Variants in TPO observed in about 807,000 individuals in gnomAD.
The protein encoded by TPO is thyroid peroxidase.
TPO carries 78 observed loss-of-function variants against 96.9 expected under a neutral mutation model. That is an observed-to-expected ratio of 0.81 (90% CI 0.67 to 0.97). TPO has a LOEUF of 0.97. Among genes scored for constraint, TPO ranks in the 50% least tolerant of loss-of-function variants. The pLI is 0.00. For missense variants in TPO, 1,252 were observed against 1,274.8 expected (o/e 0.98, Z 0.27); for synonymous variants, 547 against 538.0 (o/e 1.02, Z -0.23).
chr2:1,507,737 A>G (rs1355605559), intron 14 of TPO, among the ~76,000 whole-genome samples: 1 of 151,970 alleles, frequency 6.6e-6, no homozygotes, highest in African/African-American at 2.4e-5. Flanking sequence ...TTGATTTTGT[A>G]TCCTGAGACT....
Position 1,474,053 on chromosome 2 carries a change from CAAT to C in TPO, c.820-3032_820-3030del, listed in dbSNP as rs1352894237. On this transcript the variant is annotated intron_variant, in intron 7 of 16. Coordinates refer to ENST00000329066, the MANE Select transcript of TPO (RefSeq NM_001206744.2). ...TAACTGAGATAGTACTAAGTACCAACAATGATAGCGGGAGTTTCTGCTAGTCCT... is the reference window on the plus strand; with the variant it reads ...TAACTGAGATAGTACTAAGTACCAACGATAGCGGGAGTTTCTGCTAGTCCT... Among the ~76,000 whole-genome samples, 5 of 152,150 alleles carry C rather than the reference CAAT, an allele frequency of 3.3e-5. 1 individual carries two copies. Among genetic ancestry groups the C allele is most frequent in the Admixed American group, 1.3e-4 (2 of 15,278 alleles).
At chr2:1,459,912 G>A (rs1176610496) in intron 7 of TPO, among the ~76,000 whole-genome samples, 1 of 151,054 alleles carries the variant, frequency 6.6e-6, no homozygotes, top group Non-Finnish European at 1.5e-5. Context: ...TGTGTTCCCT[G>A]CTGCATGTAC....
At chr2:1,542,366 T>A in intron 16 of TPO, 55 bp from the exon 17 acceptor site, 1 of 1,608,726 alleles carries the variant, frequency 6.2e-7, no homozygotes, top group Non-Finnish European at 8.5e-7. Flanking sequence ...GTGTGTGCTG[T>A]TACTGGAGCA....
intron 8 of TPO, among the ~76,000 whole-genome samples, chr2:1,482,171 G>A (rs548347945): frequency 5.3e-5 from 8 of 152,330 alleles, no homozygotes; most frequent in African/African-American, 1.7e-4. Context: ...CAGGGGCTAC[G>A]CGGCTGTTTC....
intron 1 of TPO, among the ~76,000 whole-genome samples, chr2:1,398,031 G>T (rs181585188): frequency 6.6e-6 from 1 of 152,332 alleles, no homozygotes; most frequent in Non-Finnish European, 1.5e-5. Context: ...TTTCAGGCAT[G>T]CAACTTCATC....
Position 1,484,747 on chromosome 2 carries a change from T to C in TPO, c.1490T>C (p.Ile497Thr), listed in dbSNP as rs1670965542. The stretch of plus-strand genomic sequence containing the variant: ...GCCTTCCGCTTCGGCCATGCCACGA[T>C]CCACCCGCTGGTGAGGAGGCTGGAC... ...TAAFRFGHATIHPLVRRLDAS... is the reference protein window; with the variant it reads ...TAAFRFGHATTHPLVRRLDAS... The change falls in exon 9 of 17, where the codon ATC (isoleucine) becomes ACC (threonine). Residue 497 changes from isoleucine to threonine, a missense_variant. By Grantham distance (89) the Ile-to-Thr change is moderately conservative. Coordinates refer to ENST00000329066, the MANE Select transcript of TPO (RefSeq NM_001206744.2). 1 of 1,613,914 alleles carries C rather than the reference T, an allele frequency of 6.2e-7. No individual in the cohort carries two copies. The highest frequency in any genetic ancestry group is 1.3e-5 in the African/African-American group (1 of 74,904).
At chr2:1,503,878 C>A (rs545415170) in intron 13 of TPO, 70 bp from the exon 14 acceptor site, 18 of 1,612,922 alleles carry the variant, frequency 1.1e-5, no homozygotes, top group Non-Finnish European at 1.5e-5. Flanking sequence ...CCTCCCAGAA[C>A]GGGGGTCGCT....
chr2:1,513,073 C>T (rs1674328744), intron 14 of TPO, among the ~76,000 whole-genome samples: 2 of 152,240 alleles, frequency 1.3e-5, no homozygotes, highest in African/African-American at 4.8e-5. Flanking sequence ...CATCAGTGCC[C>T]TCTCTGTACA....
intron 15 of TPO, among the ~76,000 whole-genome samples, chr2:1,530,709 A>G (rs1677924623): frequency 9.7e-6 from 1 of 103,270 alleles, no homozygotes; most frequent in Non-Finnish European, 1.9e-5. Flanking sequence ...AACCTCCTCA[A>G]ATCCCCCCCA....
intron 3 of TPO, among the ~76,000 whole-genome samples, chr2:1,430,646 G>A (rs1203642843): frequency 1.3e-5 from 2 of 152,254 alleles, no homozygotes; most frequent in African/African-American, 4.8e-5. Flanking sequence ...CAGCCAGGTG[G>A]GCTGTGTTCA....
chr2:1,460,598 T>G (rs553131664), intron 7 of TPO, among the ~76,000 whole-genome samples: 1 of 152,330 alleles, frequency 6.6e-6, no homozygotes, highest in South Asian at 2.1e-4. Context: ...AAGAGTATAT[T>G]TCCCACCTAA....
At chr2:1,421,301 C>T (rs1249736242) in intron 2 of TPO, among the ~76,000 whole-genome samples, 1 of 152,218 alleles carries the variant, frequency 6.6e-6, no homozygotes, top group Non-Finnish European at 1.5e-5. Flanking sequence ...AGCCCAGAGC[C>T]GTGCAAACTT....
intron 15 of TPO, among the ~76,000 whole-genome samples, chr2:1,521,173 C>T (rs1398685250): frequency 1.3e-5 from 2 of 152,178 alleles, no homozygotes; most frequent in Non-Finnish European, 2.9e-5. Flanking sequence ...GAATCATTTG[C>T]ATTAATTTCC....
In TPO at chr2:1,484,739, T is replaced by C. The variant is rs1180193162; in HGVS notation, c.1482T>C (p.His494=). The change falls in exon 9 of 17, where the codon CAT becomes CAC. Residue 494 remains histidine (H), a synonymous_variant. Coordinates refer to ENST00000329066, the MANE Select transcript of TPO (RefSeq NM_001206744.2). ...CCACAGCCGCCTTCCGCTTCGGCCA[T>C]GCCACGATCCACCCGCTGGTGAGGA... ...VFSTAAFRFG[H]ATIHPLVRRL... 1.2e-6 allele frequency: 2 copies of C among 1,614,058 alleles called. No homozygotes were observed. Among genetic ancestry groups the C allele is most frequent in the Admixed American group, 1.7e-5 (1 of 60,018 alleles).
intron 5 of TPO, 24 bp from the exon 6 acceptor site, chr2:1,453,670 A>T: frequency 6.2e-6 from 10 of 1,613,704 alleles, no homozygotes; most frequent in Non-Finnish European, 8.5e-6. Flanking sequence ...CATCTCAAAC[A>T]CATCCTTGCA....
In TPO at chr2:1,400,568, C is replaced by CAAAAAAAAAA. The variant is rs34242408; in HGVS notation, n.180+26177_180+26186dup. ...TGGATAAAGAAGTGAGACTCTGTCT[C>CAAAAAAAAAA]AAAAAAAAAAAAAAAAAAAAGAAAT... On this transcript the variant is annotated intron_variant and non_coding_transcript_variant, in intron 1 of 5. Coordinates refer to the TPO transcript ENST00000497517. Among the ~76,000 whole-genome samples the CAAAAAAAAAA allele has an allele frequency of 8.6e-3, 614 of 71,566 alleles. 41 individuals are homozygous for CAAAAAAAAAA. Among genetic ancestry groups the CAAAAAAAAAA allele is most frequent in the African/African-American group, 0.031 (565 of 18,184 alleles). The allele number at this position is 71,566 out of a possible 152,430, so 47.0% of individuals were successfully genotyped here.
intron 11 of TPO, among the ~76,000 whole-genome samples, chr2:1,495,273 TG>T (rs1371371732): frequency 8.5e-5 from 13 of 152,196 alleles, no homozygotes; most frequent in African/African-American, 2.9e-4. Flanking sequence ...ATCCCTGTGA[TG>T]GGAAGCAGAA....
chr2:1,437,099 G>A (rs1209832190), intron 5 of TPO, among the ~76,000 whole-genome samples: 4 of 152,208 alleles, frequency 2.6e-5, no homozygotes, highest in Non-Finnish European at 4.4e-5. Flanking sequence ...GGTGATATGC[G>A]AGTGAGCCAA....
chr2:1,483,038 C>T (rs1177068650), intron 8 of TPO, among the ~76,000 whole-genome samples: 2 of 152,178 alleles, frequency 1.3e-5, no homozygotes, highest in East Asian at 1.9e-4. Flanking sequence ...TGCCCAACCT[C>T]GACGGCTCCC....
Sources: allele counts gnomAD v4.1 joint callset (sites outside exome capture counted in the v4.1 genomes callset), GRCh38; gene constraint gnomAD v4.1.1; transcripts MANE v1.5; gene names NCBI Gene and HGNC (gene_info 2026-07-23, HGNC 2026-07-21).